The following STARD3 variants were observed in gnomAD, a reference collection of about 807,000 sequenced individuals.
STARD3 encodes stAR-related lipid transfer protein 3.
Under a neutral mutation model 62.0 loss-of-function variants are expected in STARD3, and 39 were observed. The observed-to-expected ratio is 0.63, with a 90% confidence interval of 0.49 to 0.82. The LOEUF is 0.82. Ranked by LOEUF, STARD3 falls within the 40% of genes least tolerant of loss-of-function variation. The pLI, the probability that STARD3 is intolerant of heterozygous loss-of-function variation, is 0.00. For missense variants in STARD3, 543 were observed against 584.5 expected (o/e 0.93, Z 0.73); for synonymous variants, 229 against 242.4 (o/e 0.94, Z 0.51).
At chr17:39,646,865 TC>T (rs548440162) in intron 1 of STARD3, among the ~76,000 whole-genome samples, 1 of 151,854 alleles carries the variant, frequency 6.6e-6, no homozygotes, top group African/African-American at 2.4e-5. Flanking sequence ...GCACCTGACT[TC>T]CCCCCTCCCC....
intron 1 of STARD3, among the ~76,000 whole-genome samples, chr17:39,648,664 G>A (rs1433772636): frequency 1.3e-5 from 2 of 152,126 alleles, no homozygotes; most frequent in Non-Finnish European, 2.9e-5. Context: ...GCTTTCGGTG[G>A]GAGGGTGATA....
chr17:39,658,680 G>A, intron 6 of STARD3, 42 bp from the exon 7 acceptor site: 2 of 1,611,626 alleles, frequency 1.2e-6, no homozygotes, highest in Non-Finnish European at 1.7e-6. Context: ...AGGCTGCTAG[G>A]GTGTAACTGT....
In STARD3 at chr17:39,663,216, T is replaced by G; in HGVS notation, c.*308T>G. On this transcript the variant is annotated 3_prime_UTR_variant, in exon 15 of 15. Transcript: ENST00000336308. ...CAGGGTCTGGGCTGGGCACCTGACT[T>G]GGCTGGGGAGGACCAGGGCCCTGGG... 1 of 412,538 alleles carries G rather than the reference T, an allele frequency of 2.4e-6. No homozygotes were observed. The highest frequency in any genetic ancestry group is 4.3e-6 in the Non-Finnish European group (1 of 234,816). The allele number at this position is 412,538 out of a possible 1,614,324, so 25.6% of individuals were successfully genotyped here.
chr17:39,646,223 T>C (rs1357836263), intron 1 of STARD3, among the ~76,000 whole-genome samples: 1 of 151,992 alleles, frequency 6.6e-6, no homozygotes, highest in Non-Finnish European at 1.5e-5. Flanking sequence ...AAAATATACA[T>C]AACATAAAAC....
chr17:39,661,179 C>G, intron 13 of STARD3, 94 bp downstream of exon 13: 1 of 1,128,660 alleles, frequency 8.9e-7, no homozygotes, highest in Non-Finnish European at 1.3e-6. Context: ...GGGCACTTCC[C>G]CTGCTGAGGC....
intron 1 of STARD3, chr17:39,653,247 G>A: frequency 1.9e-6 from 1 of 519,336 alleles, no homozygotes; most frequent in Non-Finnish European, 3.5e-6. Flanking sequence ...GAACCCTGTG[G>A]CTGCTGGGCT....
intron 1 of STARD3, among the ~76,000 whole-genome samples, chr17:39,645,955 G>A (rs1056432326): frequency 7.2e-6 from 1 of 138,704 alleles, no homozygotes; most frequent in Non-Finnish European, 1.5e-5. Flanking sequence ...GCAGTGGCGG[G>A]ATCTTGGCTC....
chr17:39,646,164 T>G (rs566507361), intron 1 of STARD3, among the ~76,000 whole-genome samples: 33 of 152,164 alleles, frequency 2.2e-4, no homozygotes, highest in Non-Finnish European at 3.1e-4. Flanking sequence ...GTGCTGAGAT[T>G]ATAGGTGTGA....
At position 39,663,982 on chromosome 17, in the gene STARD3, C is replaced by A. The variant is rs2057231352; in HGVS notation, c.*1074C>A. Among the ~76,000 whole-genome samples, 1 of 152,200 alleles carries A rather than the reference C, an allele frequency of 6.6e-6. No individual in the cohort carries two copies. The highest frequency in any genetic ancestry group is 2.4e-5 in the African/African-American group (1 of 41,448). The stretch of plus-strand genomic sequence containing the variant: ...TCGCAGGGCGGGGCCAGGCCACTGC[C>A]TGCCTTCCTCCTCCCTCCCGGCTGG... On this transcript the variant is annotated 3_prime_UTR_variant, in exon 15 of 15. Coordinates refer to ENST00000336308, the MANE Select transcript of STARD3 (RefSeq NM_006804.4).
At chr17:39,661,361 G>A (rs1303450356) in intron 13 of STARD3, 5 of 489,674 alleles carry the variant, frequency 1.0e-5, no homozygotes, top group Admixed American at 3.4e-5. Context: ...ATGGGGACCC[G>A]TGCAGGGAAG....
intron 14 of STARD3, chr17:39,662,575 G>A (rs2057212231): frequency 4.8e-6 from 3 of 625,902 alleles, no homozygotes; most frequent in Admixed American, 6.0e-5. Context: ...CCTGAGGAAG[G>A]GTGGCTGGTG....
At chr17:39,647,430 AG>A (rs1238270420) in intron 1 of STARD3, among the ~76,000 whole-genome samples, 1 of 151,662 alleles carries the variant, frequency 6.6e-6, no homozygotes, top group Non-Finnish European at 1.5e-5. Flanking sequence ...TGCTGCTCCC[AG>A]GGGGCTGGGC....
chr17:39,648,338 G>A (rs2057046069), intron 1 of STARD3, among the ~76,000 whole-genome samples: 2 of 152,026 alleles, frequency 1.3e-5, no homozygotes, highest in South Asian at 4.1e-4. Context: ...ATAATGGCAT[G>A]TGCCTGTGGT....
rs778161602 is a variant in STARD3 at position 39,657,032 on chromosome 17, T to C, written c.244T>C (p.Leu82=). 3 of 1,614,174 alleles carry C rather than the reference T, an allele frequency of 1.9e-6. No individual in the cohort carries two copies. The highest frequency in any genetic ancestry group is 2.2e-5 in the East Asian group (1 of 44,878). The change falls in exon 3 of 15, where the codon TTG becomes CTG. Residue 82 remains leucine (L), a synonymous_variant. Coordinates refer to ENST00000336308, the MANE Select transcript of STARD3 (RefSeq NM_006804.4). ...GACCAACACAGGCATCCGTAAGAAC[T>C]TGGAGCAGGAGATCATCCAGTACAA... ...LNTNTGIRKN[L]EQEIIQYNFK...
intron 1 of STARD3, among the ~76,000 whole-genome samples, chr17:39,647,917 G>T (rs2057041927): frequency 6.6e-6 from 1 of 152,164 alleles, no homozygotes; most frequent in Non-Finnish European, 1.5e-5. Context: ...GGCTGAAGTG[G>T]GAGGATCGCT....
chr17:39,639,955 C>T (rs1410737665), intron 1 of STARD3, among the ~76,000 whole-genome samples: 8 of 152,198 alleles, frequency 5.3e-5, no homozygotes, highest in Non-Finnish European at 8.8e-5. Context: ...TGGGAGCCCA[C>T]GGTCCTTTGT....
rs144313113 is a variant in STARD3 at position 39,645,769 on chromosome 17, G to A, written c.-51-7712G>A. ...CACTGCTCCTAGCCCCATCTTACCC[G>A]AAAAGTCTTGCCAGCTACTTAATCT... On this transcript the variant is annotated intron_variant, in intron 1 of 14. Coordinates refer to ENST00000336308, the MANE Select transcript of STARD3 (RefSeq NM_006804.4). 9.5e-3 allele frequency among the ~76,000 whole-genome samples: 1,430 copies of A among 150,208 alleles called. 15 individuals carry two copies. The highest frequency in any genetic ancestry group is 0.022 in the Middle Eastern group (6 of 276).
At position 39,660,706 on chromosome 17, in the gene STARD3, G is replaced by T; in HGVS notation, c.955-104G>T. ...GAGTGCTCATCAGGCGCTGCCCAGG[G>T]CCTGCCTGTGGCAATAGCAGTTAGT... On this transcript the variant is annotated intron_variant, in intron 11 of 14. Coordinates refer to ENST00000336308, the MANE Select transcript of STARD3 (RefSeq NM_006804.4). This position sits in a 1 kb window ranked among gnomAD's most constrained non-coding sequence, Gnocchi z 4.8. 1 of 1,432,124 alleles carries T rather than the reference G, an allele frequency of 7.0e-7. No individual in the cohort carries two copies. 88.7% of individuals were successfully genotyped at this position (1,432,124 alleles called of 1,614,324 possible).
chr17:39,657,542 C>T (rs2057143059), intron 3 of STARD3, among the ~76,000 whole-genome samples: 1 of 150,898 alleles, frequency 6.6e-6, no homozygotes, highest in Admixed American at 6.6e-5. Flanking sequence ...AAAAAAAAAA[C>T]CTTTCCTCCA....
Sources: allele counts gnomAD v4.1 joint callset (sites outside exome capture counted in the v4.1 genomes callset), GRCh38; gene constraint gnomAD v4.1.1; non-coding constraint Gnocchi (gnomAD v3.1); transcripts MANE v1.5; gene names NCBI Gene and HGNC (gene_info 2026-07-23, HGNC 2026-07-21).